The following MYPN variants were observed in gnomAD, a reference collection of about 807,000 sequenced individuals.
MYPN encodes myopalladin, also known as sarcomeric protein myopalladin, 145 kDa (MYOP).
A neutral mutation model predicts 129.4 loss-of-function variants in MYPN; 63 were observed. That is an observed-to-expected ratio of 0.49 (90% CI 0.40 to 0.60). MYPN has a LOEUF of 0.60. MYPN is among the 20% of genes least tolerant of loss of function. The pLI is 0.00. For synonymous variants in MYPN, 629 were observed against 600.9 expected, an observed-to-expected ratio of 1.05 and a Z score of -0.68; for missense variants, 1,596 against 1,635.4, an observed-to-expected ratio of 0.98 and a Z score of 0.42.
chr10:68,159,013 G>C (rs2134139385), intron 7 of MYPN, among the ~76,000 whole-genome samples: 1 of 152,038 alleles, frequency 6.6e-6, no homozygotes, highest in Non-Finnish European at 1.5e-5. Flanking sequence ...CGATTCTCTT[G>C]CCTCAGCCTC....
At chr10:68,191,927 A>G (rs1355397413) in intron 13 of MYPN, among the ~76,000 whole-genome samples, 1 of 152,180 alleles carries the variant, frequency 6.6e-6, no homozygotes, top group African/African-American at 2.4e-5. Context: ...TTTCTAAAAT[A>G]TAAGATCATG....
chr10:68,174,410 A>C lies in MYPN; in HGVS notation c.2318A>C (p.Lys773Thr). ...GTGTCTCACCCCTCTGTGCAAACCA[A>C]ATCTCCAGGAGGGCTTTCCATCCAA... ...LLVSHPSVQT[K>T]SPGGLSIQNE... Residue 773 changes from lysine (K) to threonine (T), a missense_variant, in exon 11 of 20, where the codon AAA becomes ACA. Coordinates refer to ENST00000358913, the MANE Select transcript of MYPN (RefSeq NM_032578.4). 1 of 1,613,942 alleles carries C rather than the reference A, an allele frequency of 6.2e-7. No homozygotes were observed. The highest frequency in any genetic ancestry group is 8.5e-7 in the Non-Finnish European group (1 of 1,179,994).
At chr10:68,131,435 G>T (rs552304227) in intron 2 of MYPN, among the ~76,000 whole-genome samples, 1 of 147,988 alleles carries the variant, frequency 6.8e-6, no homozygotes, top group Non-Finnish European at 1.5e-5. Context: ...AAGATTTTTG[G>T]AATTGCATTG....
intron 13 of MYPN, among the ~76,000 whole-genome samples, chr10:68,192,857 G>T (rs1042902848): frequency 6.6e-6 from 1 of 151,992 alleles, no homozygotes; most frequent in African/African-American, 2.4e-5. Context: ...GTTATCAGTT[G>T]TATTGTTTCC....
At chr10:68,143,173 A>C (rs980681084) in intron 3 of MYPN, 58 bp downstream of exon 3, 5 of 1,531,044 alleles carry the variant, frequency 3.3e-6, no homozygotes, top group Non-Finnish European at 4.5e-6. Flanking sequence ...AGTTATAATA[A>C]ATAAATATTT....
intron 3 of MYPN, among the ~76,000 whole-genome samples, chr10:68,143,916 G>A (rs1442874481): frequency 1.3e-5 from 2 of 151,964 alleles, no homozygotes; most frequent in South Asian, 2.1e-4. Flanking sequence ...CACCACACCT[G>A]GCTAATTTTT....
At chr10:68,110,798 A>G (rs1305470164) in intron 1 of MYPN, among the ~76,000 whole-genome samples, 1 of 152,234 alleles carries the variant, frequency 6.6e-6, no homozygotes, top group Non-Finnish European at 1.5e-5. Context: ...ACTGTCCGAC[A>G]CATGATTTGA....
At chr10:68,120,837 A>T (rs2042230309) in intron 1 of MYPN, among the ~76,000 whole-genome samples, 1 of 152,220 alleles carries the variant, frequency 6.6e-6, no homozygotes, top group Non-Finnish European at 1.5e-5. Flanking sequence ...TAATATTATT[A>T]CAGTTATGTC....
At chr10:68,091,393 CTTTTTTTTTT>C (rs11301512) in intron 1 of MYPN, among the ~76,000 whole-genome samples, 3 of 106,760 alleles carry the variant, frequency 2.8e-5, no homozygotes, top group African/African-American at 8.0e-5. Context: ...GACTACAGCC[CTTTTTTTTTT>C]TTTTTTTTTT....
At chr10:68,199,222 C>G in intron 16 of MYPN, 146 bp from the exon 17 acceptor site, 1 of 781,146 alleles carries the variant, frequency 1.3e-6, no homozygotes, top group Non-Finnish European at 2.2e-6. Context: ...CTCTTCGTTT[C>G]TCTCGATGCC....
At chr10:68,134,326 A>C (rs2042453335) in intron 2 of MYPN, among the ~76,000 whole-genome samples, 1 of 152,150 alleles carries the variant, frequency 6.6e-6, no homozygotes, top group South Asian at 2.1e-4. Context: ...TAAATAAGTA[A>C]ATTATGTAGC....
chr10:68,091,959 G>A (rs1430191225), intron 1 of MYPN, among the ~76,000 whole-genome samples: 1 of 151,588 alleles, frequency 6.6e-6, no homozygotes, highest in Non-Finnish European at 1.5e-5. Flanking sequence ...GCTAGTACTT[G>A]TAATCCCAGT....
intron 18 of MYPN, among the ~76,000 whole-genome samples, chr10:68,204,268 A>G (rs1350077769): frequency 6.6e-6 from 1 of 152,210 alleles, no homozygotes; most frequent in East Asian, 1.9e-4. Context: ...ACCTAGTAGC[A>G]TATTATGTAA....
In MYPN at chr10:68,143,090, G is replaced by C; in HGVS notation, c.1053G>C (p.Ser351=). 5.6e-6 allele frequency: 9 copies of C among 1,614,038 alleles called. No homozygotes were observed. The highest frequency in any genetic ancestry group is 7.6e-6 in the Non-Finnish European group (9 of 1,179,996). ...CTTCTAACATCTATGGGACAGATTC[G>C]ACTTCTGCTGAGATTTATATAGAAG... The part of the protein sequence containing the change: ...CFASNIYGTD[S]TSAEIYIEGV... The change falls in exon 3 of 20, where the codon TCG becomes TCC. Residue 351 remains serine, a synonymous_variant. Transcript: ENST00000358913.
intron 10 of MYPN, among the ~76,000 whole-genome samples, chr10:68,169,977 A>G (rs76666327): frequency 0.051 from 7,706 of 152,188 alleles, 236 homozygotes; most frequent in Middle Eastern, 0.068. Flanking sequence ...TGACCCTGTG[A>G]TCTACCCACC....
intron 2 of MYPN, among the ~76,000 whole-genome samples, chr10:68,125,771 T>C (rs1472478030): frequency 6.6e-6 from 1 of 152,210 alleles, no homozygotes; most frequent in Non-Finnish European, 1.5e-5. Flanking sequence ...AGTTTCTTAT[T>C]TACTCATTCA....
intron 1 of MYPN, among the ~76,000 whole-genome samples, chr10:68,112,543 C>T (rs2042096561): frequency 6.6e-6 from 1 of 152,172 alleles, no homozygotes. Context: ...AAAGGAATGT[C>T]CCTAAACGGA....
chr10:68,193,797 GCACACACACA>G (rs368376657), intron 13 of MYPN, among the ~76,000 whole-genome samples: 1,423 of 127,674 alleles, frequency 0.011, 21 homozygotes, highest in African/African-American at 0.03. Flanking sequence ...ATGTGTATGT[GCACACACACA>G]CACACACACA....
intron 2 of MYPN, among the ~76,000 whole-genome samples, chr10:68,131,659 G>A (rs189477146): frequency 4.1e-4 from 62 of 152,270 alleles, no homozygotes; most frequent in African/African-American, 1.5e-3. Context: ...GACTACAGGT[G>A]TAAGCCACTA....
Sources: gnomAD v4.1 joint callset for allele counts (sites outside exome capture counted in the v4.1 genomes callset) on GRCh38, gnomAD v4.1.1 for gene constraint, MANE v1.5 for transcripts, NCBI Gene and HGNC (gene_info 2026-07-23, HGNC 2026-07-21) for gene names.